Variants in ELAVL1 observed in about 807,000 individuals in gnomAD.
ELAVL1 encodes ELAV-like protein 1.
Under a neutral mutation model 28.4 loss-of-function variants are expected in ELAVL1, and 1 was observed. The ratio of observed to expected loss-of-function variants is 0.04; its 90% CI spans 0.01 to 0.17. ELAVL1 has a LOEUF of 0.17. ELAVL1 is among the 10% of genes least tolerant of loss of function. The pLI, the probability that ELAVL1 is intolerant of heterozygous loss-of-function variation, is 1.00. For synonymous variants in ELAVL1, 174 were observed against 183.5 expected, an observed-to-expected ratio of 0.95 and a Z score of 0.42; for missense variants, 157 against 447.2, an observed-to-expected ratio of 0.35 and a Z score of 5.85.
chr19:8,002,295 G>A (rs946100497), intron 1 of ELAVL1: 6 of 399,122 alleles, frequency 1.5e-5, no homozygotes, highest in Non-Finnish European at 2.9e-5. Context: ...AGCATTCTGG[G>A]CTCTCCTGTG....
chr19:7,973,744 G>A lies in ELAVL1; in HGVS notation c.411C>T (p.Val137=). 3 of 1,614,052 alleles carry A rather than the reference G, an allele frequency of 1.9e-6. No individual in the cohort carries two copies. The highest frequency in any genetic ancestry group is 2.5e-6 in the Non-Finnish European group (3 of 1,179,992). ...SRFGRIINSR[V]LVDQTTGLSR... is the part of the protein sequence containing the mutation. ...TGGTACCTGTAGTCTGATCCACGAG[G>A]ACCCGCGAGTTGATGATCCGCCCAA... Residue 137 remains valine (V), a synonymous_variant, in exon 4 of 6, where the codon GTC becomes GTT. Coordinates refer to ENST00000407627, the MANE Select transcript of ELAVL1 (RefSeq NM_001419.3).
chr19:7,999,006 C>T, intron 1 of ELAVL1, among the ~76,000 whole-genome samples: 1 of 152,192 alleles, frequency 6.6e-6, no homozygotes, highest in Non-Finnish European at 1.5e-5. Context: ...TCAAGTCATC[C>T]TCCCACCTGG....
chr19:8,002,276 C>A, intron 1 of ELAVL1: 2 of 468,566 alleles, frequency 4.3e-6, no homozygotes, highest in Non-Finnish European at 7.7e-6. Flanking sequence ...TGCCTCCTCT[C>A]CTCCAGGAAG....
At chr19:7,999,582 G>C (rs1043729317) in intron 1 of ELAVL1, among the ~76,000 whole-genome samples, 1 of 152,154 alleles carries the variant, frequency 6.6e-6, no homozygotes, top group South Asian at 2.1e-4. Flanking sequence ...GGCAAAGCCA[G>C]GGTGTGTCAC....
intron 3 of ELAVL1, 114 bp downstream of exon 3, chr19:7,980,969 C>G (rs994026509): frequency 1.9e-6 from 2 of 1,040,064 alleles, no homozygotes; most frequent in South Asian, 2.7e-5. Context: ...TGGGAGCCCC[C>G]GAGGAGCGGC....
chr19:7,978,103 C>T (rs915798672), intron 3 of ELAVL1, among the ~76,000 whole-genome samples: 11 of 152,370 alleles, frequency 7.2e-5, no homozygotes, highest in African/African-American at 1.7e-4. Context: ...CTGGGCTCCC[C>T]GAGGATGGAC....
At chr19:7,999,024 A>G (rs1021933314) in intron 1 of ELAVL1, among the ~76,000 whole-genome samples, 1 of 152,168 alleles carries the variant, frequency 6.6e-6, no homozygotes, top group Non-Finnish European at 1.5e-5. Context: ...TGGGCCTCCC[A>G]AAGTGCTGGG....
intron 1 of ELAVL1, among the ~76,000 whole-genome samples, chr19:7,994,907 T>C (rs116682735): frequency 1.4e-4 from 22 of 152,308 alleles, no homozygotes; most frequent in Non-Finnish European, 2.5e-4. Context: ...TGAGCCATGA[T>C]GGCGCCACTG....
Position 7,983,085 on chromosome 19 carries a change from T to G in ELAVL1, c.173-1899A>C, listed in dbSNP as rs187850653. Reference sequence around the variant, plus strand: ...CCAGCCCACACTTAAGGCATGGCCCTGACGTAGCAGCTATAGAAATGACGT... The same window carrying G: ...CCAGCCCACACTTAAGGCATGGCCCGGACGTAGCAGCTATAGAAATGACGT... On this transcript the variant is annotated intron_variant, in intron 2 of 5. Transcript: ENST00000407627. 8.9e-4 allele frequency among the ~76,000 whole-genome samples: 136 copies of G among 152,340 alleles called. 1 individual carries two copies. In the Middle Eastern group the frequency reaches 0.01, roughly 11 times the overall value.
chr19:7,988,790 G>A (rs1193578336), intron 2 of ELAVL1, among the ~76,000 whole-genome samples: 4 of 152,232 alleles, frequency 2.6e-5, no homozygotes, highest in South Asian at 4.1e-4. Context: ...CACAGATGTG[G>A]AGGAACTCCG....
At position 7,959,032 on chromosome 19, in the gene ELAVL1, C is replaced by T. The variant is rs2145193965; in HGVS notation, c.*4451G>A. 1 of 149,360 alleles carries T rather than the reference C, an allele frequency of 6.7e-6. No individual in the cohort carries two copies. Among genetic ancestry groups the T allele is most frequent in the Non-Finnish European group, 1.5e-5 (1 of 67,334 alleles). 9.3% of individuals were successfully genotyped at this position (149,360 alleles called of 1,614,324 possible). ...AGGTTTGCTTTTTCCTCCTAAAACACTAAAGAACATTTATTCACAAGGATT... is the reference window on the plus strand; with the variant it reads ...AGGTTTGCTTTTTCCTCCTAAAACATTAAAGAACATTTATTCACAAGGATT... On this transcript the variant is annotated 3_prime_UTR_variant, in exon 6 of 6. Coordinates refer to ENST00000407627, the MANE Select transcript of ELAVL1 (RefSeq NM_001419.3).
chr19:8,004,411 G>T (rs547924568), intron 1 of ELAVL1, among the ~76,000 whole-genome samples: 1 of 152,284 alleles, frequency 6.6e-6, no homozygotes, highest in South Asian at 2.1e-4. Flanking sequence ...CTGTGCGTGT[G>T]AGAGTGGAAG....
rs886997047 is a variant in ELAVL1, at chr19:7,958,574, C to T, written c.*4909G>A. ...CACCATCACCCCTACACCAGCACAT[C>T]GCAATGATCCCACTTCATTTATTAC... On this transcript the variant is annotated 3_prime_UTR_variant, in exon 6 of 6. Transcript: ENST00000407627. The T allele has an allele frequency of 1.1e-4, 17 of 152,312 alleles. No homozygotes were observed. The highest frequency in any genetic ancestry group is 3.9e-4 in the African/African-American group (16 of 41,552). 9.4% of individuals were successfully genotyped at this position (152,312 alleles called of 1,614,324 possible).
In ELAVL1 at chr19:7,979,708, G is replaced by A. The variant is rs1032527016; in HGVS notation, c.276+1375C>T. Reference sequence around the variant, plus strand: ...GCCTCTGAGGACCTGCACTGGACACGAGGAGGCAGGAGTGGCGCGCCTGCC... The same window carrying A: ...GCCTCTGAGGACCTGCACTGGACACAAGGAGGCAGGAGTGGCGCGCCTGCC... On this transcript the variant is annotated intron_variant, in intron 3 of 5. Coordinates refer to ENST00000407627, the MANE Select transcript of ELAVL1 (RefSeq NM_001419.3). The surrounding 1 kb of genome is among the most constrained non-coding windows in gnomAD (Gnocchi z 5.4). 2.0e-5 allele frequency among the ~76,000 whole-genome samples: 3 copies of A among 152,192 alleles called. No homozygotes were observed. Among genetic ancestry groups the A allele is most frequent in the Non-Finnish European group, 2.9e-5 (2 of 68,036 alleles).
At position 7,980,233 on chromosome 19, in the gene ELAVL1, G is replaced by C. The variant is rs566901252; in HGVS notation, c.276+850C>G. Among the ~76,000 whole-genome samples, 30 of 152,278 alleles carry C rather than the reference G, an allele frequency of 2.0e-4. 1 individual carries two copies. In the South Asian group the frequency reaches 3.7e-3, roughly 19 times the overall value. Reference sequence around the variant, plus strand: ...AGGGCGGGTGGGTGCAGTGGCTGCTGCAGGAAGCCCAGTTGCAGGGGCCTG... The same window carrying C: ...AGGGCGGGTGGGTGCAGTGGCTGCTCCAGGAAGCCCAGTTGCAGGGGCCTG... On this transcript the variant is annotated intron_variant, in intron 3 of 5. Coordinates refer to ENST00000407627, the MANE Select transcript of ELAVL1 (RefSeq NM_001419.3).
chr19:7,987,827 C>T (rs1026870072), intron 2 of ELAVL1, among the ~76,000 whole-genome samples: 2 of 152,214 alleles, frequency 1.3e-5, no homozygotes, highest in African/African-American at 4.8e-5. Context: ...AGGTGGAAAC[C>T]CCACAGTGCA....
At position 7,979,185 on chromosome 19, in the gene ELAVL1, C is replaced by A. The variant is rs1393912010; in HGVS notation, c.276+1898G>T. ...GGCTGTCACGTCCCCATGAGGCTGG[C>A]CTGTTTCTGCAGAACTAGGACAGTG... On this transcript the variant is annotated intron_variant, in intron 3 of 5. Coordinates refer to ENST00000407627, the MANE Select transcript of ELAVL1 (RefSeq NM_001419.3). This position sits in a 1 kb window ranked among gnomAD's most constrained non-coding sequence, Gnocchi z 5.4. 6.6e-6 allele frequency among the ~76,000 whole-genome samples: 1 copy of A among 152,230 alleles called. No homozygotes were observed. Among genetic ancestry groups the A allele is most frequent in the Non-Finnish European group, 1.5e-5 (1 of 68,036 alleles).
intron 2 of ELAVL1, 53 bp downstream of exon 2, chr19:7,991,591 C>A: frequency 6.4e-7 from 1 of 1,555,818 alleles, no homozygotes; most frequent in Admixed American, 1.8e-5. Context: ...GGAGACAGTG[C>A]CCAAAGGATG....
At chr19:8,005,319 ACCGGCCCGCC>A (rs1458302576) in intron 1 of ELAVL1, among the ~76,000 whole-genome samples, 166 bp downstream of exon 1, 1 of 149,280 alleles carries the variant, frequency 6.7e-6, no homozygotes, top group Non-Finnish European at 1.5e-5. Context: ...CGGCGCCCAC[ACCGGCCCGCC>A]CCGACCCGCC....
Sources: allele counts gnomAD v4.1 joint callset (sites outside exome capture counted in the v4.1 genomes callset), GRCh38; gene constraint gnomAD v4.1.1; non-coding constraint Gnocchi (gnomAD v3.1); transcripts MANE v1.5; gene names NCBI Gene and HGNC (gene_info 2026-07-23, HGNC 2026-07-21).